Variants in ROPN1B observed in about 807,000 individuals in gnomAD.
The protein encoded by ROPN1B is rhophilin associated tail protein 1B.
ROPN1B carries 13 observed loss-of-function variants against 23.7 expected under a neutral mutation model. The observed-to-expected ratio is 0.55, with a 90% CI of 0.36 to 0.87. The LOEUF is 0.87. Ranked by LOEUF, ROPN1B falls within the 40% of genes least tolerant of loss-of-function variation. The pLI is 0.01. For synonymous variants in ROPN1B, 67 were observed against 100.4 expected (o/e 0.67, Z 1.99); for missense variants, 183 against 249.2 (o/e 0.73, Z 1.79).
At chr3:125,978,512 A>G (rs1469654590) in intron 5 of ROPN1B, among the ~76,000 whole-genome samples, 1 of 152,210 alleles carries the variant, frequency 6.6e-6, no homozygotes, top group Non-Finnish European at 1.5e-5. Context: ...TTTCCTCACC[A>G]CGCTCTCTTC....
chr3:125,975,608 G>C lies in ROPN1B; in HGVS notation c.162G>C (p.Glu54Asp), dbSNP rs771079449. Residue 54 changes from glutamate to aspartate, a missense_variant, in exon 4 of 7, where the codon GAG becomes GAC. Transcript: ENST00000514116. ...GTGGAGAGACGCCTCCGGTGAGAGA[G>C]CGGTCTGAGCGAGTCGCTTTGTGTA... ...LSRGETPPVR[E>D]RSERVALCNW... The C allele has an allele frequency of 3.7e-5, 60 of 1,614,016 alleles. No homozygotes were observed. Among genetic ancestry groups the C allele is most frequent in the Non-Finnish European group, 4.8e-5 (57 of 1,180,010 alleles).
intron 5 of ROPN1B, among the ~76,000 whole-genome samples, chr3:125,979,115 A>G (rs1305589499): frequency 6.6e-6 from 1 of 152,174 alleles, no homozygotes; most frequent in Non-Finnish European, 1.5e-5. Flanking sequence ...CTACCTCTGA[A>G]TAACAGTGAG....
At position 125,975,645 on chromosome 3, in the gene ROPN1B, C is replaced by A. The variant is rs751620396; in HGVS notation, c.199C>A (p.Leu67Ile). ...AGTCGCTTTGTGTAACTGGGCAGAG[C>A]TAACACCTGAGCTGTTAAAGATCCT... ...ERVALCNWAE[L>I]TPELLKILHS... is the part of the protein sequence containing the mutation. The change falls in exon 4 of 7, where the codon CTA becomes ATA. Residue 67 changes from leucine (L) to isoleucine (I), a missense_variant. Physicochemically the swap from Leu to Ile is conservative, Grantham distance 5. Around this residue, in one of 3 missense-constraint regions of ROPN1B, gnomAD observed 97 missense variants for 99.6 expected, o/e 0.97. Transcript: ENST00000514116. The A allele has an allele frequency of 2.5e-6, 4 of 1,613,992 alleles. No individual in the cohort carries two copies. The African/African-American group carries it at 4.0e-5, about 16-fold the overall frequency.
chr3:125,972,062 A>C lies in ROPN1B; in HGVS notation c.8A>C (p.Gln3Pro). MA[Q>P]TDKPTCIPPE... ...GAATAGGTCAACCAATCAATGGCTC[A>C]GACAGATAAGCCAACATGCATCCCG... The change falls in exon 3 of 7, where the codon CAG (glutamine) becomes CCG (proline). Residue 3 changes from glutamine to proline, a missense_variant. By Grantham distance (76) the Gln-to-Pro change is moderately conservative. This residue lies in a region of ROPN1B where 97 missense variants were observed against 99.6 expected (regional missense o/e 0.97). Transcript: ENST00000514116. The C allele has an allele frequency of 1.2e-6, 2 of 1,614,198 alleles. No individual in the cohort carries two copies. The highest frequency in any genetic ancestry group is 1.7e-6 in the Non-Finnish European group (2 of 1,180,022).
intron 5 of ROPN1B, among the ~76,000 whole-genome samples, chr3:125,979,968 C>T (rs1001206468): frequency 2.6e-5 from 4 of 152,262 alleles, no homozygotes; most frequent in African/African-American, 9.6e-5. Flanking sequence ...CCTCCTGTTC[C>T]ACTGAACTGA....
At position 125,975,522 on chromosome 3, in the gene ROPN1B, GT is replaced by G. The variant is rs375563354; in HGVS notation, c.117-40del. 1.8e-3 allele frequency: 2,760 copies of G among 1,547,312 alleles called. No homozygotes were observed. In the Admixed American group the frequency reaches 0.023, roughly 13 times the overall value. ...TTGCTAGAACAGCCAGAGGCCACTGGTGTATAGGATCCTCCTACTCTCTGAC... is the reference window on the plus strand; with the variant it reads ...TTGCTAGAACAGCCAGAGGCCACTGGGTATAGGATCCTCCTACTCTCTGAC... On this transcript the variant is annotated intron_variant, in intron 3 of 6. Coordinates refer to ENST00000514116, the MANE Select transcript of ROPN1B (RefSeq NM_001308313.2).
chr3:125,980,777 C>CA (rs767647906), intron 5 of ROPN1B, among the ~76,000 whole-genome samples: 18 of 151,776 alleles, frequency 1.2e-4, no homozygotes, highest in South Asian at 2.1e-4. Flanking sequence ...TTTACAGAAA[C>CA]GGGTGAGCTG....
At chr3:125,974,906 C>T (rs543091187) in intron 3 of ROPN1B, among the ~76,000 whole-genome samples, 6 of 152,304 alleles carry the variant, frequency 3.9e-5, no homozygotes, top group Admixed American at 2.0e-4. Context: ...CCTCTTGAAG[C>T]CCCAAGCCTC....
intron 1 of ROPN1B, chr3:125,970,039 T>C (rs1288255259): frequency 1.3e-5 from 2 of 150,926 alleles, no homozygotes; most frequent in Non-Finnish European, 3.0e-5. Flanking sequence ...GAACACTAAG[T>C]TCCAGGCACT....
intron 5 of ROPN1B, among the ~76,000 whole-genome samples, chr3:125,980,694 C>T (rs1374840468): frequency 6.6e-6 from 1 of 152,120 alleles, no homozygotes; most frequent in Non-Finnish European, 1.5e-5. Context: ...CATACCACCA[C>T]CCCATGGAGA....
At chr3:125,974,345 A>G (rs1938326814) in intron 3 of ROPN1B, among the ~76,000 whole-genome samples, 1 of 152,132 alleles carries the variant, frequency 6.6e-6, no homozygotes, top group Non-Finnish European at 1.5e-5. Flanking sequence ...ATGACCTCCA[A>G]GTGGTGACCG....
At chr3:125,980,777 C>T (rs369496633) in intron 5 of ROPN1B, among the ~76,000 whole-genome samples, 62 of 151,894 alleles carry the variant, frequency 4.1e-4, no homozygotes, top group East Asian at 3.3e-3. Flanking sequence ...TTTACAGAAA[C>T]GGGTGAGCTG....
In ROPN1B at chr3:125,972,136, GCGCAGC is replaced by G. The variant is rs1378425582; in HGVS notation, c.88_93del (p.Pro30_Gln31del). 6.2e-7 allele frequency: 1 copy of G among 1,614,098 alleles called. No individual in the cohort carries two copies. The highest frequency in any genetic ancestry group is 8.5e-7 in the Non-Finnish European group (1 of 1,180,040). On this transcript the variant is annotated inframe_deletion, in exon 3 of 7. Transcript: ENST00000514116. ...GGAGTTTGCCAAAGCCGCCATTCGG[GCGCAGC>G]CGCAGGACCTCATCCAGTGGGGGGC...
chr3:125,980,693 A>G (rs1193928112), intron 5 of ROPN1B, among the ~76,000 whole-genome samples: 3 of 152,072 alleles, frequency 2.0e-5, no homozygotes, highest in Non-Finnish European at 4.4e-5. Flanking sequence ...CCATACCACC[A>G]CCCCATGGAG....
In ROPN1B at chr3:125,972,140, A is replaced by G; in HGVS notation, c.86A>G (p.Gln29Arg). The change falls in exon 3 of 7, where the codon CAG becomes CGG. Residue 29 changes from glutamine (Q) to arginine (R), a missense_variant. Physicochemically the swap from Gln to Arg is conservative, Grantham distance 43. Transcript: ENST00000514116. ...KEFAKAAIRAQPQDLIQWGAD... is the reference protein window; with the variant it reads ...KEFAKAAIRARPQDLIQWGAD... ...TTTGCCAAAGCCGCCATTCGGGCGCAGCCGCAGGACCTCATCCAGTGGGGG... is the reference window on the plus strand; with the variant it reads ...TTTGCCAAAGCCGCCATTCGGGCGCGGCCGCAGGACCTCATCCAGTGGGGG... 6.2e-7 allele frequency: 1 copy of G among 1,614,216 alleles called. No homozygotes were observed. The highest frequency in any genetic ancestry group is 8.5e-7 in the Non-Finnish European group (1 of 1,180,026).
intron 4 of ROPN1B, 145 bp downstream of exon 4, chr3:125,975,825 A>G (rs1458937516): frequency 1.5e-6 from 1 of 673,794 alleles, no homozygotes; most frequent in Non-Finnish European, 2.4e-6. Flanking sequence ...CTGAAAGTAA[A>G]TCTTCCCTTG....
chr3:125,981,949 G>T (rs1938623624), intron 5 of ROPN1B, among the ~76,000 whole-genome samples: 1 of 152,114 alleles, frequency 6.6e-6, no homozygotes. Context: ...TAATTATATA[G>T]AATGCAAATC....
rs200039132 is a variant in ROPN1B at position 125,972,080 on chromosome 3, G to A, written c.26G>A (p.Cys9Tyr). ...ATGGCTCAGACAGATAAGCCAACAT[G>A]CATCCCGCCGGAGCTGCCGAAAATG... MAQTDKPT[C>Y]IPPELPKMLK... Residue 9 changes from cysteine (C) to tyrosine (Y), a missense_variant, in exon 3 of 7, where the codon TGC becomes TAC. By Grantham distance (194) the Cys-to-Tyr change is radical. This residue lies in a region of ROPN1B where 97 missense variants were observed against 99.6 expected (regional missense o/e 0.97). Coordinates refer to ENST00000514116, the MANE Select transcript of ROPN1B (RefSeq NM_001308313.2). 5.0e-6 allele frequency: 8 copies of A among 1,614,054 alleles called. No homozygotes were observed. The highest frequency in any genetic ancestry group is 6.8e-6 in the Non-Finnish European group (8 of 1,180,030).
chr3:125,974,925 C>T lies in ROPN1B; in HGVS notation c.117-638C>T, dbSNP rs190465507. Among the ~76,000 whole-genome samples, 548 of 152,290 alleles carry T rather than the reference C, an allele frequency of 3.6e-3. 5 individuals carry two copies. Among genetic ancestry groups the T allele is most frequent in the African/African-American group, 0.011 (437 of 41,560 alleles). On this transcript the variant is annotated intron_variant, in intron 3 of 6. Transcript: ENST00000514116. ...TTGAAGCCCCAAGCCTCACTACATA[C>T]GGCCAGAAATCCTTCCTGATTCACC...
Sources: allele counts gnomAD v4.1 joint callset (sites outside exome capture counted in the v4.1 genomes callset), GRCh38; gene constraint gnomAD v4.1.1; regional missense constraint gnomAD v4.1.1; transcripts MANE v1.5; gene names NCBI Gene and HGNC (gene_info 2026-07-23, HGNC 2026-07-21).